Variants in SLC39A10 observed in about 807,000 individuals in gnomAD.
The protein encoded by SLC39A10 is solute carrier family 39 member 10, also known as zinc transporter ZIP10.
Under a neutral mutation model 65.1 loss-of-function variants are expected in SLC39A10, and 13 were observed. The observed-to-expected ratio is 0.20, with a 90% CI of 0.13 to 0.32. The LOEUF (loss-of-function observed/expected upper bound fraction) is 0.32, where lower values mean the gene tolerates loss of function less well. SLC39A10 is among the 10% of genes least tolerant of loss of function. The pLI, the probability that SLC39A10 is intolerant of heterozygous loss-of-function variation, is 1.00. For synonymous variants in SLC39A10, 321 were observed against 342.2 expected (o/e 0.94, Z 0.68); for missense variants, 831 against 1,018.4 (o/e 0.82, Z 2.50).
intron 2 of SLC39A10, among the ~76,000 whole-genome samples, chr2:195,622,670 T>G (rs1479066150): frequency 1.3e-5 from 2 of 152,032 alleles, no homozygotes; most frequent in Admixed American, 1.3e-4. Flanking sequence ...TAGTGACTTG[T>G]GAATTAAAAC....
intron 3 of SLC39A10, among the ~76,000 whole-genome samples, chr2:195,688,095 T>C (rs1690594847): frequency 6.6e-6 from 1 of 152,240 alleles, no homozygotes; most frequent in Non-Finnish European, 1.5e-5. Flanking sequence ...GCAGAATAAG[T>C]GAAGCTTGTT....
chr2:195,689,148 A>G (rs556252213), intron 3 of SLC39A10, among the ~76,000 whole-genome samples: 7 of 152,198 alleles, frequency 4.6e-5, no homozygotes, highest in Non-Finnish European at 7.4e-5. Flanking sequence ...AGTGGCTCAC[A>G]CCTGTAATCT....
At chr2:195,704,179 G>A (rs897111841) in intron 3 of SLC39A10, among the ~76,000 whole-genome samples, 11 of 152,084 alleles carry the variant, frequency 7.2e-5, no homozygotes, top group Non-Finnish European at 1.6e-4. Flanking sequence ...GAGTATCTTA[G>A]AGTATGAATT....
chr2:195,668,178 A>G (rs1477794784), intron 1 of SLC39A10, among the ~76,000 whole-genome samples: 2 of 152,180 alleles, frequency 1.3e-5, no homozygotes, highest in Non-Finnish European at 1.5e-5. Context: ...AACTAAATTG[A>G]TATTTGACTA....
chr2:195,618,639 C>T (rs1452466771), intron 2 of SLC39A10, among the ~76,000 whole-genome samples: 1 of 152,084 alleles, frequency 6.6e-6, no homozygotes, highest in Non-Finnish European at 1.5e-5. Context: ...TAAAAATAAA[C>T]ACATTTGCTA....
At chr2:195,638,639 C>T (rs1163365044) in intron 2 of SLC39A10, among the ~76,000 whole-genome samples, 1 of 152,000 alleles carries the variant, frequency 6.6e-6, no homozygotes, top group African/African-American at 2.4e-5. Flanking sequence ...CCACCGCACC[C>T]AGCCTAAAAC....
intron 2 of SLC39A10, among the ~76,000 whole-genome samples, chr2:195,640,175 T>C (rs1462134145): frequency 6.6e-6 from 1 of 151,930 alleles, no homozygotes; most frequent in African/African-American, 2.4e-5. Flanking sequence ...CGTTGAGAAG[T>C]AAATAAGTGT....
chr2:195,627,543 T>C (rs1688499676), intron 2 of SLC39A10, among the ~76,000 whole-genome samples: 1 of 152,194 alleles, frequency 6.6e-6, no homozygotes, highest in African/African-American at 2.4e-5. Flanking sequence ...AAAATGAGGA[T>C]GAGTGACTTC....
upstream of SLC39A10, among the ~76,000 whole-genome samples, chr2:195,656,060 T>C (rs977714738): frequency 6.6e-6 from 1 of 152,110 alleles, no homozygotes; most frequent in African/African-American, 2.4e-5. Context: ...TAAATTAATA[T>C]ATATGTGGAG....
rs1295446710 is a variant in SLC39A10, at chr2:195,680,937, C to A, written c.895C>A (p.Pro299Thr). The change falls in exon 2 of 10, where the codon CCT (proline) becomes ACT (threonine). Residue 299 changes from proline (P) to threonine (T), a missense_variant. Coordinates refer to ENST00000359634, the MANE Select transcript of SLC39A10 (RefSeq NM_020342.3). Reference sequence around the variant, plus strand: ...TGGTCGTGGACACCAAGATCTTGATCCTGATAATGAAGGTGAACTTCGACA... The same window carrying A: ...TGGTCGTGGACACCAAGATCTTGATACTGATAATGAAGGTGAACTTCGACA... ...DPGRGHQDLD[P>T]DNEGELRHTR... The A allele has an allele frequency of 6.2e-7, 1 of 1,613,928 alleles. No homozygotes were observed.
At chr2:195,717,372 C>CA (rs74591788) in intron 7 of SLC39A10, 306 of 154,956 alleles carry the variant, frequency 2.0e-3, no homozygotes, top group Non-Finnish European at 2.7e-3. Flanking sequence ...TTTGAAAAAG[C>CA]AAAAAAAAAA....
In SLC39A10 at chr2:195,733,271, T is replaced by G. The variant is rs36006688; in HGVS notation, c.2338-1612T>G. Among the ~76,000 whole-genome samples the G allele has an allele frequency of 0.019, 2,900 of 152,338 alleles. 236 individuals carry two copies. In the East Asian group the frequency reaches 0.26, roughly 14 times the overall value. On this transcript the variant is annotated intron_variant, in intron 9 of 9. Coordinates refer to ENST00000359634, the MANE Select transcript of SLC39A10 (RefSeq NM_020342.3). ...CAGAGGGTAGCATATCAGTGTCATC[T>G]TTCTGTAGATAATGACTGCAAATTT...
chr2:195,681,953 A>G (rs929487254), intron 2 of SLC39A10, among the ~76,000 whole-genome samples: 1 of 152,146 alleles, frequency 6.6e-6, no homozygotes, highest in Non-Finnish European at 1.5e-5. Context: ...GATAAGGCCT[A>G]CTTACTCATG....
intron 2 of SLC39A10, among the ~76,000 whole-genome samples, chr2:195,630,754 G>A (rs940591329): frequency 6.6e-6 from 1 of 152,190 alleles, no homozygotes; most frequent in Admixed American, 6.5e-5. Context: ...ATTTTCACAC[G>A]ACTACTGGAA....
At chr2:195,706,893 TA>T (rs1691419033) in intron 4 of SLC39A10, 108 bp downstream of exon 4, 1 of 715,970 alleles carries the variant, frequency 1.4e-6, no homozygotes, top group African/African-American at 1.8e-5. Flanking sequence ...TGTATTGTTT[TA>T]TTTGCTTATA....
chr2:195,649,571 A>G (rs368070138), intron 2 of SLC39A10, among the ~76,000 whole-genome samples: 4 of 152,372 alleles, frequency 2.6e-5, no homozygotes, highest in South Asian at 4.1e-4. Flanking sequence ...AATTTCAACC[A>G]GTTTAACAAA....
upstream of SLC39A10, among the ~76,000 whole-genome samples, chr2:195,652,062 T>C (rs1281536722): frequency 6.6e-6 from 1 of 152,150 alleles, no homozygotes; most frequent in East Asian, 1.9e-4. Flanking sequence ...ACATGTACGA[T>C]GTACATTGGT....
chr2:195,613,918 AG>A (rs745951949), intron 2 of SLC39A10, among the ~76,000 whole-genome samples: 2 of 152,206 alleles, frequency 1.3e-5, no homozygotes, highest in Non-Finnish European at 1.5e-5. Flanking sequence ...ATGTGGAGAA[AG>A]GAATCTTCGG....
intron 1 of SLC39A10, among the ~76,000 whole-genome samples, chr2:195,663,637 T>G (rs1262853301): frequency 6.6e-6 from 1 of 152,154 alleles, no homozygotes; most frequent in Non-Finnish European, 1.5e-5. Context: ...CATAATTTTT[T>G]AATGTTTGGA....
Sources: gnomAD v4.1 joint callset for allele counts (sites outside exome capture counted in the v4.1 genomes callset) on GRCh38, gnomAD v4.1.1 for gene constraint, MANE v1.5 for transcripts, NCBI Gene and HGNC (gene_info 2026-07-23, HGNC 2026-07-21) for gene names.